SLC25A26: variants seen among roughly 807,000 people sequenced by gnomAD.
SLC25A26 encodes mitochondrial S-adenosylmethionine carrier protein.
SLC25A26 carries 36 observed loss-of-function variants against 37.8 expected under a neutral mutation model. That is an observed-to-expected ratio of 0.95 (90% CI 0.73 to 1.26). The LOEUF is 1.26. Among genes scored for constraint, SLC25A26 ranks in the 50% most tolerant of loss-of-function variants. SLC25A26 has a pLI of 0.00. For missense variants in SLC25A26, 390 were observed against 331.1 expected, an observed-to-expected ratio of 1.18 and a Z score of -1.38; for synonymous variants, 129 against 122.5, an observed-to-expected ratio of 1.05 and a Z score of -0.35.
At chr3:66,308,452 G>A (rs1459055613) in intron 5 of SLC25A26, among the ~76,000 whole-genome samples, 4 of 152,188 alleles carry the variant, frequency 2.6e-5, no homozygotes, top group African/African-American at 9.6e-5. Context: ...TGCAAACGGA[G>A]AGAATTTGAC....
chr3:66,240,478 G>A (rs2072521938), intron 2 of SLC25A26, among the ~76,000 whole-genome samples: 1 of 151,958 alleles, frequency 6.6e-6, no homozygotes, highest in Non-Finnish European at 1.5e-5. Context: ...TGTAGAGATG[G>A]ACTTTCTCCA....
At chr3:66,344,434 G>A (rs747074047) in intron 5 of SLC25A26, among the ~76,000 whole-genome samples, 2 of 151,478 alleles carry the variant, frequency 1.3e-5, no homozygotes, top group African/African-American at 2.4e-5. Context: ...CTGCACTCCC[G>A]CCTGACCGAC....
intron 3 of SLC25A26, among the ~76,000 whole-genome samples, chr3:66,246,494 T>C (rs1009875693): frequency 6.6e-6 from 1 of 152,236 alleles, no homozygotes; most frequent in Non-Finnish European, 1.5e-5. Flanking sequence ...CTGTAACTAA[T>C]ATTTTTAAAA....
At chr3:66,306,272 G>A (rs540203038) in intron 5 of SLC25A26, among the ~76,000 whole-genome samples, 3 of 152,284 alleles carry the variant, frequency 2.0e-5, no homozygotes, top group African/African-American at 7.2e-5. Context: ...AAGCCACTGC[G>A]CCTGGTCTGT....
intron 5 of SLC25A26, among the ~76,000 whole-genome samples, chr3:66,305,009 T>G (rs1263444873): frequency 1.3e-5 from 2 of 152,338 alleles, no homozygotes; most frequent in East Asian, 3.9e-4. Flanking sequence ...TTGTTAGAGT[T>G]CTGAGATTCT....
In SLC25A26 at chr3:66,221,026, C is replaced by A. The variant is rs1553658036; in HGVS notation, c.-69C>A. 22 of 1,508,536 alleles carry A rather than the reference C, an allele frequency of 1.5e-5. No homozygotes were observed. Among genetic ancestry groups the A allele is most frequent in the Non-Finnish European group, 2.0e-5 (22 of 1,121,660 alleles). 93.4% of individuals were successfully genotyped at this position (1,508,536 alleles called of 1,614,324 possible). On this transcript the variant is annotated 5_prime_UTR_variant, in exon 1 of 10. Coordinates refer to ENST00000354883, the MANE Select transcript of SLC25A26 (RefSeq NM_001379210.1). ...AGACCCGCCTCAAACATGGCGGCGC[C>A]CAGCGCGCGAGGACGTGATCCGCTT...
intron 5 of SLC25A26, among the ~76,000 whole-genome samples, chr3:66,316,260 T>C (rs2075536216): frequency 1.3e-5 from 2 of 152,234 alleles, no homozygotes; most frequent in African/African-American, 4.8e-5. Context: ...TAATGGTTTT[T>C]CCTTTCCATA....
intron 6 of SLC25A26, among the ~76,000 whole-genome samples, chr3:66,353,543 C>T (rs914196182): frequency 2.6e-5 from 4 of 152,130 alleles, no homozygotes; most frequent in Non-Finnish European, 5.9e-5. Flanking sequence ...TGTTTCATAA[C>T]GTTTTTGTAT....
chr3:66,261,760 G>A (rs577239121), intron 3 of SLC25A26: 2 of 248,354 alleles, frequency 8.1e-6, no homozygotes, highest in Admixed American at 5.8e-5. Context: ...TTCGAAATGA[G>A]TAAATGTGCT....
At chr3:66,371,141 T>C in intron 9 of SLC25A26, 1 of 1,429,536 alleles carries the variant, frequency 7.0e-7, no homozygotes, top group Non-Finnish European at 9.2e-7. Flanking sequence ...CACCATAAAC[T>C]TGTGAAGCCG....
chr3:66,320,333 TATTTC>T (rs2075661605), intron 5 of SLC25A26, among the ~76,000 whole-genome samples: 1 of 152,230 alleles, frequency 6.6e-6, no homozygotes, highest in African/African-American at 2.4e-5. Flanking sequence ...CTGTTCTAGT[TATTTC>T]ATATCAGTGG....
At chr3:66,227,109 T>C (rs2071792035) in intron 1 of SLC25A26, among the ~76,000 whole-genome samples, 2 of 152,240 alleles carry the variant, frequency 1.3e-5, no homozygotes, top group South Asian at 2.1e-4. Context: ...TTTTTTGTGC[T>C]TTCAATGTTG....
chr3:66,265,892 G>C, intron 5 of SLC25A26, among the ~76,000 whole-genome samples: 1 of 152,230 alleles, frequency 6.6e-6, no homozygotes. Flanking sequence ...AGGACAAAGA[G>C]AGGCAATAAG....
At chr3:66,186,798 A>AGT (rs2070837027) in intron 1 of SLC25A26, among the ~76,000 whole-genome samples, 2 of 151,604 alleles carry the variant, frequency 1.3e-5, no homozygotes, top group East Asian at 2.0e-4. Context: ...TTTGAGTCTC[A>AGT]CCATGGCCCT....
chr3:66,375,434 G>T (rs1003703505), intron 9 of SLC25A26, among the ~76,000 whole-genome samples: 6 of 152,228 alleles, frequency 3.9e-5, no homozygotes, highest in Non-Finnish European at 7.3e-5. Context: ...TTCCTAGCTA[G>T]AGAGGAGACA....
At chr3:66,348,127 T>TCAACAA (rs368232804) in intron 6 of SLC25A26, among the ~76,000 whole-genome samples, 7 of 151,960 alleles carry the variant, frequency 4.6e-5, no homozygotes, top group African/African-American at 1.2e-4. Flanking sequence ...CCCTGGAACT[T>TCAACAA]CAACAACAAC....
At chr3:66,244,094 T>C (rs888474938) in intron 3 of SLC25A26, among the ~76,000 whole-genome samples, 2 of 152,170 alleles carry the variant, frequency 1.3e-5, no homozygotes, top group African/African-American at 4.8e-5. Context: ...ACTGCTTAAT[T>C]AGCTCCCATA....
At chr3:66,289,936 C>A (rs2074648223) in intron 5 of SLC25A26, among the ~76,000 whole-genome samples, 1 of 152,154 alleles carries the variant, frequency 6.6e-6, no homozygotes. Flanking sequence ...GTTAATGATT[C>A]TTCTTATCCA....
intron 9 of SLC25A26, 37 bp downstream of exon 9, chr3:66,370,639 C>G (rs771692275): frequency 1.3e-6 from 2 of 1,536,146 alleles, no homozygotes; most frequent in East Asian, 2.3e-5. Context: ...TTCTTCCTCT[C>G]CACCACTCCT....
Sources: gnomAD v4.1 joint callset for allele counts (sites outside exome capture counted in the v4.1 genomes callset) on GRCh38, gnomAD v4.1.1 for gene constraint, MANE v1.5 for transcripts, NCBI Gene and HGNC (gene_info 2026-07-23, HGNC 2026-07-21) for gene names.